DGKI: variants seen among roughly 807,000 people sequenced by gnomAD.
DGKI encodes the protein diacylglycerol kinase iota.
DGKI carries 55 observed loss-of-function variants against 147.5 expected under a neutral mutation model. The ratio of observed to expected loss-of-function variants is 0.37; its 90% confidence interval spans 0.30 to 0.47. DGKI has a LOEUF of 0.47. Ranked by LOEUF, DGKI falls within the 20% of genes least tolerant of loss-of-function variation. The pLI is 1.00. For synonymous variants in DGKI, 469 were observed against 477.1 expected, an observed-to-expected ratio of 0.98 and a Z score of 0.22; for missense variants, 1,007 against 1,323.8, an observed-to-expected ratio of 0.76 and a Z score of 3.71.
chr7:137,840,653 G>A (rs1798518144), intron 1 of DGKI, among the ~76,000 whole-genome samples: 1 of 152,236 alleles, frequency 6.6e-6, no homozygotes, highest in Non-Finnish European at 1.5e-5. Context: ...ACGCAAACAG[G>A]AAGCTGTAAA....
At chr7:137,635,956 C>G (rs1048304452) in intron 6 of DGKI, among the ~76,000 whole-genome samples, 5 of 152,154 alleles carry the variant, frequency 3.3e-5, no homozygotes, top group African/African-American at 7.2e-5. Context: ...AGCTCTTAAA[C>G]TTTAAGCTAC....
At chr7:137,644,832 A>T (rs1821769228) in intron 6 of DGKI, among the ~76,000 whole-genome samples, 1 of 152,132 alleles carries the variant, frequency 6.6e-6, no homozygotes, top group Non-Finnish European at 1.5e-5. Flanking sequence ...AAAAGCTGTA[A>T]CCCAAATCTG....
At chr7:137,465,774 T>G in intron 26 of DGKI, 134 bp downstream of exon 26, 2 of 1,235,530 alleles carry the variant, frequency 1.6e-6, no homozygotes, top group Non-Finnish European at 2.2e-6. Flanking sequence ...TAATAACCAC[T>G]CTAAGGAAAC....
chr7:137,465,789 C>T (rs750475845), intron 26 of DGKI, 119 bp downstream of exon 26: 77 of 1,360,938 alleles, frequency 5.7e-5, no homozygotes, highest in Non-Finnish European at 7.4e-5. Flanking sequence ...GGAAACACAA[C>T]AAGAAAATCT....
At chr7:137,476,380 GC>G (rs372194280) in intron 23 of DGKI, among the ~76,000 whole-genome samples, 10 of 152,074 alleles carry the variant, frequency 6.6e-5, no homozygotes, top group African/African-American at 2.2e-4. Context: ...CATAAACATG[GC>G]TCTACTTCTG....
intron 3 of DGKI, among the ~76,000 whole-genome samples, chr7:137,666,237 A>G (rs1367915068): frequency 6.6e-6 from 1 of 152,230 alleles, no homozygotes; most frequent in Non-Finnish European, 1.5e-5. Flanking sequence ...TGATAGGCAC[A>G]AAGTTTCTCT....
At chr7:137,709,349 TATAC>T (rs1036484648) in intron 1 of DGKI, among the ~76,000 whole-genome samples, 2 of 152,140 alleles carry the variant, frequency 1.3e-5, no homozygotes, top group Non-Finnish European at 2.9e-5. Context: ...CAGTCAACAG[TATAC>T]ATACATTTAT....
intron 27 of DGKI, among the ~76,000 whole-genome samples, chr7:137,455,333 A>G (rs1814150049): frequency 6.6e-6 from 1 of 152,182 alleles, no homozygotes; most frequent in Non-Finnish European, 1.5e-5. Flanking sequence ...CTCTGTGAAA[A>G]AAAATATAAT....
chr7:137,569,230 T>C (rs1479877618), intron 19 of DGKI, among the ~76,000 whole-genome samples: 1 of 152,128 alleles, frequency 6.6e-6, no homozygotes, highest in Non-Finnish European at 1.5e-5. Context: ...ATATTCCCCT[T>C]GGACTTCCAG....
intron 5 of DGKI, among the ~76,000 whole-genome samples, chr7:137,649,048 C>CTGAGA (rs1349851896): frequency 5.1e-4 from 78 of 152,260 alleles, no homozygotes; most frequent in Admixed American, 1.4e-3. Flanking sequence ...CAGCATCCTT[C>CTGAGA]TGTTCAGAGT....
intron 1 of DGKI, among the ~76,000 whole-genome samples, chr7:137,690,883 G>T (rs1370706035): frequency 6.6e-6 from 1 of 152,200 alleles, no homozygotes; most frequent in Non-Finnish European, 1.5e-5. Context: ...CACCTAGGGA[G>T]ATCTGTGGGA....
intron 1 of DGKI, among the ~76,000 whole-genome samples, chr7:137,748,446 C>T (rs1795408961): frequency 6.6e-6 from 1 of 151,586 alleles, no homozygotes; most frequent in African/African-American, 2.4e-5. Context: ...AGTATTCATA[C>T]ATATATCTAT....
chr7:137,513,705 G>T (rs1044814884), intron 21 of DGKI, among the ~76,000 whole-genome samples: 1 of 152,100 alleles, frequency 6.6e-6, no homozygotes, highest in African/African-American at 2.4e-5. Flanking sequence ...CTACAAACCT[G>T]TACAGCATGT....
chr7:137,650,235 T>G (rs1345685016), intron 5 of DGKI, among the ~76,000 whole-genome samples: 1 of 152,146 alleles, frequency 6.6e-6, no homozygotes, highest in African/African-American at 2.4e-5. Context: ...TCAGCAGATA[T>G]CCATCAGTGA....
chr7:137,768,128 A>T (rs1003107770), intron 1 of DGKI, among the ~76,000 whole-genome samples: 1 of 152,214 alleles, frequency 6.6e-6, no homozygotes, highest in Non-Finnish European at 1.5e-5. Context: ...TGGACACAAG[A>T]TGTTCATCTA....
In DGKI at chr7:137,381,446, A is replaced by T. The variant is rs1811058867; in HGVS notation, c.*9774T>A. 1 of 151,628 alleles carries T rather than the reference A, an allele frequency of 6.6e-6. No homozygotes were observed. Among genetic ancestry groups the T allele is most frequent in the Admixed American group, 6.6e-5 (1 of 15,200 alleles). The allele number at this position is 151,628 out of a possible 1,614,324, so 9.4% of individuals were successfully genotyped here. A position where few individuals can be genotyped will look rare whatever the true frequency, so the allele number is the denominator to read the frequency against. On this transcript the variant is annotated 3_prime_UTR_variant, in exon 33 of 33. Coordinates refer to ENST00000614521, the MANE Select transcript of DGKI (RefSeq NM_001321708.2). ...TGCAAAAGCATGGCTCTGGGATGTGATAGGGCAGAATCAGAAATCATGAAA... is the reference window on the plus strand; with the variant it reads ...TGCAAAAGCATGGCTCTGGGATGTGTTAGGGCAGAATCAGAAATCATGAAA...
intron 11 of DGKI, among the ~76,000 whole-genome samples, chr7:137,599,069 A>C (rs1819894696): frequency 6.6e-6 from 1 of 152,166 alleles, no homozygotes; most frequent in Admixed American, 6.5e-5. Context: ...TTACTTATTA[A>C]AAAATAAGTG....
chr7:137,762,519 A>G (rs1795888604), intron 1 of DGKI, among the ~76,000 whole-genome samples: 2 of 152,222 alleles, frequency 1.3e-5, no homozygotes, highest in African/African-American at 4.8e-5. Flanking sequence ...ATTGATGAGC[A>G]TTGCAAATTG....
chr7:137,830,573 T>C (rs1798189690), intron 1 of DGKI, among the ~76,000 whole-genome samples: 2 of 152,236 alleles, frequency 1.3e-5, no homozygotes, highest in Admixed American at 1.3e-4. Flanking sequence ...CCCAGTATGC[T>C]GTCAAATTAG....
Sources: allele counts gnomAD v4.1 joint callset (sites outside exome capture counted in the v4.1 genomes callset), GRCh38; gene constraint gnomAD v4.1.1; transcripts MANE v1.5; gene names NCBI Gene and HGNC (gene_info 2026-07-23, HGNC 2026-07-21).